Variants in SKIL observed in about 807,000 individuals in gnomAD.
The protein encoded by SKIL is SKI like proto-oncogene, also known as ski-like protein.
SKIL carries 20 observed loss-of-function variants against 69.6 expected under a neutral mutation model. The observed-to-expected ratio is 0.29, with a 90% confidence interval of 0.20 to 0.42. The LOEUF (loss-of-function observed/expected upper bound fraction) is 0.42, where lower values mean the gene tolerates loss of function less well. SKIL is among the 10% of genes least tolerant of loss of function. SKIL has a pLI of 1.00. For synonymous variants in SKIL, 310 were observed against 279.9 expected, an observed-to-expected ratio of 1.11 and a Z score of -1.08; for missense variants, 745 against 783.1, an observed-to-expected ratio of 0.95 and a Z score of 0.58.
intron 2 of SKIL, among the ~76,000 whole-genome samples, chr3:170,371,012 T>C (rs1404814845): frequency 6.6e-6 from 1 of 152,182 alleles, no homozygotes; most frequent in Non-Finnish European, 1.5e-5. Context: ...CTTTTTATAG[T>C]CTATGTTAAA....
At chr3:170,375,216 T>C (rs1251528993) in intron 2 of SKIL, among the ~76,000 whole-genome samples, 1 of 152,184 alleles carries the variant, frequency 6.6e-6, no homozygotes, top group African/African-American at 2.4e-5. Flanking sequence ...CCTTAGAAGC[T>C]CTAGTCTGAC....
intron 4 of SKIL, among the ~76,000 whole-genome samples, chr3:170,387,731 G>T (rs1302908809): frequency 7.2e-6 from 1 of 139,520 alleles, no homozygotes; most frequent in Admixed American, 7.5e-5. Flanking sequence ...AGACCATCCC[G>T]GCTAAAACGG....
intron 2 of SKIL, among the ~76,000 whole-genome samples, chr3:170,366,262 A>T (rs1302342743): frequency 6.6e-6 from 1 of 152,048 alleles, no homozygotes; most frequent in Non-Finnish European, 1.5e-5. Flanking sequence ...AAAATATGTA[A>T]TATATTAATA....
chr3:170,371,782 A>T (rs1736816430), intron 2 of SKIL, among the ~76,000 whole-genome samples: 1 of 152,236 alleles, frequency 6.6e-6, no homozygotes, highest in African/African-American at 2.4e-5. Flanking sequence ...GGCATTTTAA[A>T]TTCTCCTGAG....
At chr3:170,367,300 C>T (rs1256976666) in intron 2 of SKIL, among the ~76,000 whole-genome samples, 4 of 151,584 alleles carry the variant, frequency 2.6e-5, no homozygotes, top group African/African-American at 4.8e-5. Context: ...TTAGTAGAGA[C>T]GGGGTTTCAC....
Position 170,370,439 on chromosome 3 carries a change from G to GCCCCCC in SKIL, c.1098+9021_1098+9026dup, listed in dbSNP as rs34185518. ...ATATATACAGAGAGAGAGAGAGAGAGCCCCCCCCCCCCCCCCGAGCAGGAG... is the reference window on the plus strand; with the variant it reads ...ATATATACAGAGAGAGAGAGAGAGAGCCCCCCCCCCCCCCCCCCCCCCGAGCAGGAG... On this transcript the variant is annotated intron_variant, in intron 2 of 6. Coordinates refer to ENST00000259119, the MANE Select transcript of SKIL (RefSeq NM_005414.5). Among the ~76,000 whole-genome samples, 9 of 11,194 alleles carry GCCCCCC rather than the reference G, an allele frequency of 8.0e-4. 1 individual carries two copies. Among genetic ancestry groups the GCCCCCC allele is most frequent in the Non-Finnish European group, 1.0e-3 (6 of 5,816 alleles). The allele number at this position is 11,194 out of a possible 152,430, so 7.3% of individuals were successfully genotyped here. A position where few individuals can be genotyped will look rare whatever the true frequency, so the allele number is the denominator to read the frequency against.
intron 2 of SKIL, among the ~76,000 whole-genome samples, chr3:170,379,223 C>T (rs1049823648): frequency 2.0e-5 from 3 of 152,118 alleles, no homozygotes; most frequent in Non-Finnish European, 2.9e-5. Context: ...GGTGATCCAC[C>T]CTTCTCGGCC....
Position 170,361,443 on chromosome 3 carries a change from A to T in SKIL, c.1098+14A>T, listed in dbSNP as rs766149278. 3 of 1,523,646 alleles carry T rather than the reference A, an allele frequency of 2.0e-6. No homozygotes were observed. The African/African-American group carries it at 4.2e-5, about 21-fold the overall frequency. 94.4% of individuals were successfully genotyped at this position (1,523,646 alleles called of 1,614,324 possible). ...AATCAATCCAAGGCAAGTTTTTTAT[A>T]TCAATTTTTAATAATGGTAATGGTT... On this transcript the variant is annotated intron_variant, in intron 2 of 6. Transcript: ENST00000259119.
chr3:170,390,159 G>T (rs1195678920), intron 4 of SKIL, 64 bp from the exon 5 acceptor site: 7 of 1,139,552 alleles, frequency 6.1e-6, no homozygotes, highest in Middle Eastern at 4.0e-4. Context: ...TTTATGGATT[G>T]TTCTAGTGAT....
chr3:170,363,245 A>G (rs1424910479), intron 2 of SKIL, among the ~76,000 whole-genome samples: 2 of 152,206 alleles, frequency 1.3e-5, no homozygotes, highest in African/African-American at 4.8e-5. Context: ...ATTCACAGCA[A>G]AGTTAGAGCT....
At chr3:170,366,822 A>G (rs939555244) in intron 2 of SKIL, among the ~76,000 whole-genome samples, 1 of 152,196 alleles carries the variant, frequency 6.6e-6, no homozygotes, top group Non-Finnish European at 1.5e-5. Context: ...TTTTACTTTA[A>G]ACTGTATAAA....
chr3:170,368,221 T>C (rs1216378864), intron 2 of SKIL, among the ~76,000 whole-genome samples: 9 of 152,348 alleles, frequency 5.9e-5, no homozygotes, highest in African/African-American at 2.2e-4. Context: ...GCAAAATTTT[T>C]GATCAAGTGG....
intron 2 of SKIL, among the ~76,000 whole-genome samples, chr3:170,361,724 G>A (rs979655816): frequency 2.7e-5 from 4 of 149,290 alleles, no homozygotes; most frequent in African/African-American, 9.8e-5. Flanking sequence ...TAGCCAGGGA[G>A]TGGAGGAGTT....
intron 3 of SKIL, among the ~76,000 whole-genome samples, chr3:170,383,608 T>C (rs1217468438): frequency 6.6e-6 from 1 of 152,208 alleles, no homozygotes; most frequent in Non-Finnish European, 1.5e-5. Context: ...TTTTGCATAA[T>C]TTATTGTTGC....
intron 2 of SKIL, among the ~76,000 whole-genome samples, chr3:170,362,640 C>A (rs1023849083): frequency 6.6e-6 from 1 of 151,590 alleles, no homozygotes; most frequent in Non-Finnish European, 1.5e-5. Context: ...CATGGTAAAA[C>A]CCCATCTCTA....
chr3:170,362,785 A>G (rs1483568853), intron 2 of SKIL, among the ~76,000 whole-genome samples: 1 of 150,656 alleles, frequency 6.6e-6, no homozygotes, highest in Non-Finnish European at 1.5e-5. Context: ...ACCACAGTCC[A>G]TCCTGGGCGT....
chr3:170,394,706 A>G lies in SKIL; in HGVS notation c.*2289A>G, dbSNP rs1367415498. ...ACATTGTATCGTCTTCATTTTCCAGAAGATGCGTTGGTGTGCCATAGGTTT... is the reference window on the plus strand; with the variant it reads ...ACATTGTATCGTCTTCATTTTCCAGGAGATGCGTTGGTGTGCCATAGGTTT... On this transcript the variant is annotated 3_prime_UTR_variant, in exon 7 of 7. Coordinates refer to ENST00000259119, the MANE Select transcript of SKIL (RefSeq NM_005414.5). The G allele has an allele frequency of 1.3e-5, 2 of 152,196 alleles. No homozygotes were observed. Among genetic ancestry groups the G allele is most frequent in the East Asian group, 3.8e-4 (2 of 5,206 alleles). 9.4% of individuals were successfully genotyped at this position (152,196 alleles called of 1,614,324 possible).
intron 6 of SKIL, among the ~76,000 whole-genome samples, chr3:170,392,030 A>G (rs1737951295): frequency 6.6e-6 from 1 of 152,240 alleles, no homozygotes. Context: ...ATAGGGCATA[A>G]TGAACATGAA....
intron 4 of SKIL, 56 bp from the exon 5 acceptor site, chr3:170,390,167 G>C (rs2108225906): frequency 1.5e-6 from 2 of 1,292,640 alleles, no homozygotes; most frequent in East Asian, 4.7e-5. Context: ...TTGTTCTAGT[G>C]ATTTTTTTAA....
Sources: allele counts gnomAD v4.1 joint callset (sites outside exome capture counted in the v4.1 genomes callset), GRCh38; gene constraint gnomAD v4.1.1; transcripts MANE v1.5; gene names NCBI Gene and HGNC (gene_info 2026-07-23, HGNC 2026-07-21).